CAST: variants seen among roughly 807,000 people sequenced by gnomAD.
CAST encodes MIR583 host.
CAST carries 76 observed loss-of-function variants against 119.6 expected under a neutral mutation model. The observed-to-expected ratio is 0.64, with a 90% CI of 0.53 to 0.77. The LOEUF is 0.77. Among genes scored for constraint, CAST ranks in the 30% least tolerant of loss-of-function variants. CAST has a pLI of 0.00. For missense variants in CAST, 953 were observed against 946.5 expected (o/e 1.01, Z -0.09); for synonymous variants, 319 against 331.6 (o/e 0.96, Z 0.41).
intron 1 of CAST, among the ~76,000 whole-genome samples, chr5:96,621,055 T>G (rs907840066): frequency 1.3e-5 from 2 of 152,156 alleles, no homozygotes; most frequent in African/African-American, 4.8e-5. Flanking sequence ...TCCTTCAACC[T>G]CCTCACAGAT....
chr5:96,118,387 G>A, the CAST span, among the ~76,000 whole-genome samples: 2 of 152,132 alleles, frequency 1.3e-5, no homozygotes, highest in South Asian at 4.1e-4. Context: ...GGCCAAGTTT[G>A]CATTGTAGAA....
chr5:96,725,165 A>C (rs747921958), intron 4 of CAST, among the ~76,000 whole-genome samples: 1 of 152,202 alleles, frequency 6.6e-6, no homozygotes, highest in Non-Finnish European at 1.5e-5. Flanking sequence ...AAGTGTCCCC[A>C]GTGGCTAACT....
chr5:96,085,218 G>A, the CAST span, among the ~76,000 whole-genome samples: 2 of 151,982 alleles, frequency 1.3e-5, no homozygotes, highest in African/African-American at 4.8e-5. Flanking sequence ...AATGTCTACT[G>A]TCTATCAATT....
chr5:96,495,781 G>T, the CAST span, among the ~76,000 whole-genome samples: 3 of 152,036 alleles, frequency 2.0e-5, no homozygotes, highest in Admixed American at 6.6e-5. Context: ...TTTTTGATTT[G>T]TATTCACAAA....
At chr5:96,172,838 C>T in the CAST span, among the ~76,000 whole-genome samples, 1 of 152,198 alleles carries the variant, frequency 6.6e-6, no homozygotes, top group African/African-American at 2.4e-5. Flanking sequence ...AATGACACTA[C>T]TGATTGCTCT....
the CAST span, among the ~76,000 whole-genome samples, chr5:96,008,745 G>C: frequency 6.6e-6 from 1 of 152,230 alleles, no homozygotes; most frequent in Non-Finnish European, 1.5e-5. Flanking sequence ...ATTCTAATGA[G>C]AAGCTCAAGC....
At chr5:96,045,350 T>C in the CAST span, among the ~76,000 whole-genome samples, 4 of 147,944 alleles carry the variant, frequency 2.7e-5, no homozygotes, top group Non-Finnish European at 5.9e-5. Context: ...TGAAACTCTG[T>C]CTCAAGAAAA....
At chr5:96,464,301 C>T in the CAST span, among the ~76,000 whole-genome samples, 1 of 151,970 alleles carries the variant, frequency 6.6e-6, no homozygotes, top group South Asian at 2.1e-4. Flanking sequence ...TTTTCTCTCA[C>T]TATTACTCAG....
At chr5:96,238,273 T>A in the CAST span, among the ~76,000 whole-genome samples, 1 of 147,502 alleles carries the variant, frequency 6.8e-6, no homozygotes, top group African/African-American at 2.5e-5. Flanking sequence ...TTTTAGATAA[T>A]ATTTTAATGT....
chr5:96,075,986 T>C, the CAST span, among the ~76,000 whole-genome samples: 1 of 152,236 alleles, frequency 6.6e-6, no homozygotes, highest in African/African-American at 2.4e-5. Flanking sequence ...CTGTGCCTTC[T>C]TGCCTTTGGA....
the CAST span, among the ~76,000 whole-genome samples, chr5:96,404,583 T>G: frequency 1.3e-5 from 2 of 152,198 alleles, no homozygotes; most frequent in Non-Finnish European, 2.9e-5. Context: ...AGAAAACTTA[T>G]AAGAAACTCA....
chr5:96,439,334 C>CAA, the CAST span, among the ~76,000 whole-genome samples: 2 of 151,618 alleles, frequency 1.3e-5, no homozygotes, highest in African/African-American at 4.9e-5. Context: ...GAAGCAATCA[C>CAA]AAAAAATTAT....
chr5:95,992,462 C>G, the CAST span, among the ~76,000 whole-genome samples: 1 of 150,798 alleles, frequency 6.6e-6, no homozygotes, highest in Non-Finnish European at 1.5e-5. Flanking sequence ...AGAAAAACAT[C>G]AGATAAACCA....
the CAST span, among the ~76,000 whole-genome samples, chr5:96,491,434 T>A: frequency 1.6e-5 from 2 of 124,710 alleles, no homozygotes; most frequent in East Asian, 5.1e-4. Flanking sequence ...GAGCTTGCAG[T>A]GAGCCGAGAT....
At chr5:96,437,063 C>T in the CAST span, among the ~76,000 whole-genome samples, 1 of 152,144 alleles carries the variant, frequency 6.6e-6, no homozygotes, top group Non-Finnish European at 1.5e-5. Context: ...ACTCACCTGG[C>T]CTTCCCAAGT....
At chr5:96,077,941 C>T in the CAST span, among the ~76,000 whole-genome samples, 1 of 152,204 alleles carries the variant, frequency 6.6e-6, no homozygotes, top group Non-Finnish European at 1.5e-5. Flanking sequence ...AGCTGGATTA[C>T]CTATGCTATA....
the CAST span, among the ~76,000 whole-genome samples, chr5:96,062,693 G>C: frequency 7.1e-3 from 1,083 of 152,266 alleles, 6 homozygotes; most frequent in African/African-American, 0.025. Flanking sequence ...AAAGAAAATA[G>C]TAAGGCTGCT....
the CAST span, among the ~76,000 whole-genome samples, chr5:96,020,733 A>G: frequency 6.6e-6 from 1 of 152,174 alleles, no homozygotes; most frequent in Non-Finnish European, 1.5e-5. Flanking sequence ...TTGTATAATT[A>G]TTTCATTATA....
chr5:96,246,461 G>A, the CAST span, among the ~76,000 whole-genome samples: 1 of 152,150 alleles, frequency 6.6e-6, no homozygotes, highest in Non-Finnish European at 1.5e-5. Flanking sequence ...TGGGATTACA[G>A]GCGTGAGCCA....
Sources: gnomAD v4.1 joint callset for allele counts (sites outside exome capture counted in the v4.1 genomes callset) on GRCh38, gnomAD v4.1.1 for gene constraint, MANE v1.5 for transcripts, NCBI Gene and HGNC (gene_info 2026-07-23, HGNC 2026-07-21) for gene names.